Variants in COL8A1 observed in about 807,000 individuals in gnomAD.
The protein encoded by COL8A1 is collagen type VIII alpha 1 chain.
A neutral mutation model predicts 42.7 loss-of-function variants in COL8A1; 21 were observed. The ratio of observed to expected loss-of-function variants is 0.49; its 90% CI spans 0.35 to 0.71. The LOEUF is 0.71. COL8A1 is among the 30% of genes least tolerant of loss of function. The probability of loss-of-function intolerance (pLI) is 0.01; values close to 1 mark genes in which losing one functional copy is unlikely to be tolerated. For synonymous variants in COL8A1, 367 were observed against 369.1 expected (o/e 0.99, Z 0.06); for missense variants, 788 against 962.4 (o/e 0.82, Z 2.40).
intron 1 of COL8A1, among the ~76,000 whole-genome samples, chr3:99,735,506 T>A (rs1392864243): frequency 6.8e-6 from 1 of 147,934 alleles, no homozygotes; most frequent in African/African-American, 2.5e-5. Context: ...GAAGCCCACT[T>A]GATCATGGTG....
chr3:99,744,227 G>C (rs1940969830), intron 1 of COL8A1, among the ~76,000 whole-genome samples: 1 of 152,168 alleles, frequency 6.6e-6, no homozygotes, highest in African/African-American at 2.4e-5. Context: ...ACCGTGCCTG[G>C]CCGATATTTC....
intron 1 of COL8A1, chr3:99,679,409 C>T (rs1938798688): frequency 6.6e-6 from 1 of 152,056 alleles, no homozygotes; most frequent in African/African-American, 2.4e-5. Context: ...CTATAATCCC[C>T]AGAAAATAGA....
In COL8A1 at chr3:99,794,199, A is replaced by C; in HGVS notation, c.329-31A>C. ...CTAATCAATCTCTCTCTCTCCCCCC[A>C]TACCCCTTCTCTCTCTTCTCTTCCC... On this transcript the variant is annotated intron_variant, in intron 3 of 3. Transcript: ENST00000652472. This position sits in a 1 kb window ranked among gnomAD's most constrained non-coding sequence, Gnocchi z 4.3. The C allele has an allele frequency of 2.1e-6, 3 of 1,415,514 alleles. No individual in the cohort carries two copies. Among genetic ancestry groups the C allele is most frequent in the Non-Finnish European group, 2.9e-6 (3 of 1,041,194 alleles). 87.7% of individuals were successfully genotyped at this position (1,415,514 alleles called of 1,614,324 possible). A position where few individuals can be genotyped will look rare whatever the true frequency, so the allele number is the denominator to read the frequency against.
intron 1 of COL8A1, chr3:99,679,765 A>C (rs1938811333): frequency 6.6e-6 from 1 of 152,188 alleles, no homozygotes; most frequent in African/African-American, 2.4e-5. Context: ...AAAAGGTTCA[A>C]TCTGTTTCTG....
At position 99,795,455 on chromosome 3, in the gene COL8A1, A is replaced by C. The variant is rs1230330818; in HGVS notation, c.1554A>C (p.Lys518Asn). 4 of 1,521,712 alleles carry C rather than the reference A, an allele frequency of 2.6e-6. No individual in the cohort carries two copies. In the South Asian group the frequency reaches 4.9e-5, roughly 19 times the overall value. 94.3% of individuals were successfully genotyped at this position (1,521,712 alleles called of 1,614,324 possible). A position where few individuals can be genotyped will look rare whatever the true frequency, so the allele number is the denominator to read the frequency against. Residue 518 changes from lysine to asparagine, a missense_variant, in exon 4 of 4, where the codon AAA (lysine) becomes AAC (asparagine). Lys to Asn is a moderately conservative substitution (Grantham distance 94). Transcript: ENST00000652472. ...GACCACCTGGGATTCCAGGCCCCAA[A>C]GGGGAGCCGGGCCTCCCAGGGCCCC... is the stretch of plus-strand genomic sequence containing the variant. ...PIGPPGIPGP[K>N]GEPGLPGPPG...
intron 1 of COL8A1, chr3:99,677,912 C>T (rs1008699075): frequency 6.6e-6 from 1 of 152,176 alleles, no homozygotes; most frequent in African/African-American, 2.4e-5. Flanking sequence ...AAAATCTACA[C>T]AGGTTGCCAA....
chr3:99,763,216 C>A (rs1225233488), intron 2 of COL8A1, among the ~76,000 whole-genome samples: 1 of 152,120 alleles, frequency 6.6e-6, no homozygotes, highest in Non-Finnish European at 1.5e-5. Context: ...GACATCATAA[C>A]AATGAATTAT....
chr3:99,727,431 C>G (rs1401512826), intron 1 of COL8A1, among the ~76,000 whole-genome samples: 2 of 152,082 alleles, frequency 1.3e-5, no homozygotes. Flanking sequence ...ATTGCCCTGG[C>G]CAGAACTTCC....
intron 1 of COL8A1, among the ~76,000 whole-genome samples, chr3:99,732,654 C>T (rs1443502775): frequency 1.3e-5 from 2 of 152,076 alleles, no homozygotes; most frequent in East Asian, 3.9e-4. Flanking sequence ...TGGGTGGGGA[C>T]ACAGCCAAAC....
intron 1 of COL8A1, among the ~76,000 whole-genome samples, chr3:99,647,655 T>C (rs1204174838): frequency 6.6e-6 from 1 of 152,208 alleles, no homozygotes; most frequent in Non-Finnish European, 1.5e-5. Context: ...AGATAATTCT[T>C]TGAACTAGCT....
chr3:99,732,167 A>G (rs1465787180), intron 1 of COL8A1, among the ~76,000 whole-genome samples: 1 of 152,162 alleles, frequency 6.6e-6, no homozygotes, highest in African/African-American at 2.4e-5. Context: ...CGATTAATGC[A>G]TTCTTATTTA....
At chr3:99,793,858 T>G (rs1303552254) in intron 3 of COL8A1, among the ~76,000 whole-genome samples, 1 of 152,156 alleles carries the variant, frequency 6.6e-6, no homozygotes, top group Non-Finnish European at 1.5e-5. Context: ...TTCAAGTGAT[T>G]CTCCTGCCTC....
intron 1 of COL8A1, among the ~76,000 whole-genome samples, chr3:99,708,466 G>C (rs1241493693): frequency 6.6e-6 from 1 of 152,140 alleles, no homozygotes; most frequent in Non-Finnish European, 1.5e-5. Context: ...TGCCTTGCCA[G>C]AAAATCACCA....
intron 1 of COL8A1, among the ~76,000 whole-genome samples, chr3:99,666,868 C>T (rs1188038881): frequency 6.6e-6 from 1 of 152,192 alleles, no homozygotes; most frequent in Non-Finnish European, 1.5e-5. Flanking sequence ...AAATACATGA[C>T]ATTTGGCAAG....
At position 99,796,328 on chromosome 3, in the gene COL8A1, G is replaced by A; in HGVS notation, c.*192G>A. The A allele has an allele frequency of 2.1e-6, 1 of 471,946 alleles. No homozygotes were observed. The highest frequency in any genetic ancestry group is 3.1e-5 in the East Asian group (1 of 31,990). The allele number at this position is 471,946 out of a possible 1,614,324, so 29.2% of individuals were successfully genotyped here. On this transcript the variant is annotated 3_prime_UTR_variant, in exon 4 of 4. Coordinates refer to ENST00000652472, the MANE Select transcript of COL8A1 (RefSeq NM_020351.4). ...TGTTTAATACTCCACACAGCAGCCT[G>A]TAATTGCGAATGATGGGATAGAGTT...
intron 1 of COL8A1, among the ~76,000 whole-genome samples, chr3:99,644,568 T>C (rs2107282145): frequency 6.6e-6 from 1 of 152,354 alleles, no homozygotes; most frequent in South Asian, 2.1e-4. Flanking sequence ...ATTATTTCCA[T>C]ATCTCCGAAA....
At chr3:99,755,843 C>A (rs1392016988) in intron 2 of COL8A1, among the ~76,000 whole-genome samples, 1 of 152,132 alleles carries the variant, frequency 6.6e-6, no homozygotes, top group Non-Finnish European at 1.5e-5. Context: ...GGAGCCAGAT[C>A]GCTTAGGTCT....
intron 2 of COL8A1, among the ~76,000 whole-genome samples, chr3:99,785,225 G>A (rs998110599): frequency 6.6e-6 from 1 of 152,140 alleles, no homozygotes; most frequent in African/African-American, 2.4e-5. Flanking sequence ...AAATATGAGG[G>A]CTTTCTGTCA....
chr3:99,779,141 A>C (rs1031606428), intron 2 of COL8A1, among the ~76,000 whole-genome samples: 1 of 152,200 alleles, frequency 6.6e-6, no homozygotes, highest in African/African-American at 2.4e-5. Flanking sequence ...AGATGTGAGG[A>C]TACTACTTTT....
Sources: gnomAD v4.1 joint callset for allele counts (sites outside exome capture counted in the v4.1 genomes callset) on GRCh38, gnomAD v4.1.1 for gene constraint, Gnocchi (gnomAD v3.1) non-coding constraint, MANE v1.5 for transcripts, NCBI Gene and HGNC (gene_info 2026-07-23, HGNC 2026-07-21) for gene names.